The following SGPL1 variants were observed in gnomAD, a reference collection of about 807,000 sequenced individuals.
SGPL1 encodes the protein SP-lyase 1.
A neutral mutation model predicts 68.9 loss-of-function variants in SGPL1; 37 were observed. That is an observed-to-expected ratio of 0.54 (90% confidence interval 0.41 to 0.71). The LOEUF (loss-of-function observed/expected upper bound fraction) is 0.71. Among genes scored for constraint, SGPL1 ranks in the 30% least tolerant of loss-of-function variants. The probability of loss-of-function intolerance (pLI) is 0.00; values close to 1 mark genes in which losing one functional copy is unlikely to be tolerated. For synonymous variants in SGPL1, 236 were observed against 248.5 expected, an observed-to-expected ratio of 0.95 and a Z score of 0.47; for missense variants, 551 against 704.6, an observed-to-expected ratio of 0.78 and a Z score of 2.47.
rs367841464 is a variant in SGPL1, at chr10:70,862,598, C to G, written c.615+3099C>G. ...TTTGGGTCCACGCTGCTTTTATGAG[C>G]TGTGACACTCACCACGAAGGTCTGC... is the stretch of plus-strand genomic sequence containing the variant. On this transcript the variant is annotated intron_variant, in intron 7 of 14. Transcript: ENST00000373202. 4.6e-5 allele frequency among the ~76,000 whole-genome samples: 7 copies of G among 152,258 alleles called. No homozygotes were observed. The East Asian group carries it at 1.4e-3, about 29-fold the overall frequency.
chr10:70,861,952 C>T (rs1189718109), intron 7 of SGPL1, among the ~76,000 whole-genome samples: 1 of 152,242 alleles, frequency 6.6e-6, no homozygotes, highest in Non-Finnish European at 1.5e-5. Flanking sequence ...TGTGTGGCCC[C>T]AGCCTCCTTG....
chr10:70,872,405 G>C (rs80132766), intron 11 of SGPL1, among the ~76,000 whole-genome samples: 1,673 of 152,262 alleles, frequency 0.011, 17 homozygotes, highest in Middle Eastern at 0.041. Flanking sequence ...GCTCCTGAGC[G>C]TACATGACGG....
chr10:70,867,440 G>A lies in SGPL1; in HGVS notation c.616-905G>A, dbSNP rs375667793. On this transcript the variant is annotated intron_variant, in intron 7 of 14. Coordinates refer to ENST00000373202, the MANE Select transcript of SGPL1 (RefSeq NM_003901.4). ...TAGGTGGGCATGGTGGTGGGCGCCT[G>A]TAATCCGAGCTACTCGGGTAACTAT... Among the ~76,000 whole-genome samples, 24 of 152,208 alleles carry A rather than the reference G, an allele frequency of 1.6e-4. 2 individuals carry two copies. Among genetic ancestry groups the A allele is most frequent in the Admixed American group, 1.1e-3 (17 of 15,292 alleles).
At chr10:70,874,753 T>G (rs1193134754) in intron 12 of SGPL1, among the ~76,000 whole-genome samples, 1 of 151,890 alleles carries the variant, frequency 6.6e-6, no homozygotes, top group Non-Finnish European at 1.5e-5. Context: ...AAATAAAAAT[T>G]AGCCACATGT....
chr10:70,875,899 C>G (rs1212256886), intron 13 of SGPL1, among the ~76,000 whole-genome samples: 2 of 152,252 alleles, frequency 1.3e-5, no homozygotes, highest in East Asian at 3.9e-4. Context: ...CAAGATCTTC[C>G]TGGGGGTCTC....
chr10:70,843,408 A>G (rs1348372631), intron 2 of SGPL1, among the ~76,000 whole-genome samples: 1 of 152,238 alleles, frequency 6.6e-6, no homozygotes, highest in Non-Finnish European at 1.5e-5. Context: ...GATTAAGTGA[A>G]TGAATAGTAA....
rs1263299632 is a variant in SGPL1 at position 70,881,100 on chromosome 10, C to A, written c.*3765C>A. On this transcript the variant is annotated 3_prime_UTR_variant, in exon 15 of 15. Coordinates refer to ENST00000373202, the MANE Select transcript of SGPL1 (RefSeq NM_003901.4). ...TTTATGCTTTCCTCTGTCTTGTAATCTTTTCTCTTCTTAATATCCTTCCCT... is the reference window on the plus strand; with the variant it reads ...TTTATGCTTTCCTCTGTCTTGTAATATTTTCTCTTCTTAATATCCTTCCCT... 1 of 151,920 alleles carries A rather than the reference C, an allele frequency of 6.6e-6. No individual in the cohort carries two copies. The highest frequency in any genetic ancestry group is 2.4e-5 in the African/African-American group (1 of 41,324). 9.4% of individuals were successfully genotyped at this position (151,920 alleles called of 1,614,324 possible). A position where few individuals can be genotyped will look rare whatever the true frequency, so the allele number is the denominator to read the frequency against.
At chr10:70,849,422 G>A (rs1351508867) in intron 3 of SGPL1, among the ~76,000 whole-genome samples, 2 of 152,178 alleles carry the variant, frequency 1.3e-5, no homozygotes, top group African/African-American at 4.8e-5. Flanking sequence ...TCTCAGGTAT[G>A]TATTACAGTG....
At position 70,861,906 on chromosome 10, in the gene SGPL1, G is replaced by A. The variant is rs191352357; in HGVS notation, c.615+2407G>A. Among the ~76,000 whole-genome samples the A allele has an allele frequency of 2.6e-3, 389 of 152,348 alleles. 4 individuals carry two copies. Among genetic ancestry groups the A allele is most frequent in the East Asian group, 9.7e-4 (5 of 5,174 alleles). ...GGGCAGGGCTCGGGACCTGCAGCCC[G>A]CCATGCCTGAGCCTCCCACCCCCTC... On this transcript the variant is annotated intron_variant, in intron 7 of 14. Transcript: ENST00000373202.
chr10:70,848,705 G>A (rs147598515), intron 3 of SGPL1, among the ~76,000 whole-genome samples: 1,585 of 152,080 alleles, frequency 0.01, 12 homozygotes, highest in Middle Eastern at 0.031. Context: ...CTCCTGATCC[G>A]CCTGCCTTGG....
At chr10:70,875,653 C>A in intron 13 of SGPL1, 105 bp downstream of exon 13, 1 of 799,408 alleles carries the variant, frequency 1.3e-6, no homozygotes, top group Non-Finnish European at 2.0e-6. Context: ...GAGGCTAGCA[C>A]GTTAGTAGCA....
intron 2 of SGPL1, among the ~76,000 whole-genome samples, chr10:70,838,292 T>C (rs1457228324): frequency 6.6e-6 from 1 of 152,234 alleles, no homozygotes; most frequent in Non-Finnish European, 1.5e-5. Context: ...GGAAAAAATA[T>C]CACTGCCTAA....
At chr10:70,862,513 T>G (rs1846088921) in intron 7 of SGPL1, among the ~76,000 whole-genome samples, 1 of 152,116 alleles carries the variant, frequency 6.6e-6, no homozygotes, top group African/African-American at 2.4e-5. Context: ...CGGGTCCCCT[T>G]CCACACTGTG....
In SGPL1 at chr10:70,868,380, C is replaced by T. The variant is rs755473386; in HGVS notation, c.651C>T (p.Ala217=). Residue 217 remains alanine (A), a synonymous_variant, in exon 8 of 15, where the codon GCC becomes GCT. Transcript: ENST00000373202. ...TSGGTESILM[A]CKAYRDLAFE... Reference sequence around the variant, plus strand: ...GGGGAACAGAAAGCATACTGATGGCCTGCAAAGCATATCGGGATCTGGCCT... The same window carrying T: ...GGGGAACAGAAAGCATACTGATGGCTTGCAAAGCATATCGGGATCTGGCCT... 4 of 1,613,566 alleles carry T rather than the reference C, an allele frequency of 2.5e-6. No individual in the cohort carries two copies. Among genetic ancestry groups the T allele is most frequent in the Admixed American group, 1.7e-5 (1 of 59,976 alleles).
chr10:70,834,138 A>G (rs1845588704), intron 2 of SGPL1, among the ~76,000 whole-genome samples: 2 of 152,154 alleles, frequency 1.3e-5, no homozygotes, highest in South Asian at 4.1e-4. Flanking sequence ...CTTTTAATAA[A>G]AGAAAAGGAT....
rs1440434971 is a variant in SGPL1, at chr10:70,873,337, T to A, written c.1060-14T>A. 1 of 1,593,424 alleles carries A rather than the reference T, an allele frequency of 6.3e-7. No individual in the cohort carries two copies. The highest frequency in any genetic ancestry group is 1.3e-5 in the African/African-American group (1 of 74,576). On this transcript the variant is annotated splice_polypyrimidine_tract_variant and intron_variant, in intron 11 of 14. Transcript: ENST00000373202. ...CTATACTCTCACTTTTCTTGTCTGC[T>A]ACTTCTTCCACAGTATGGCTATGCC...
At chr10:70,861,335 T>C (rs538151480) in intron 7 of SGPL1, among the ~76,000 whole-genome samples, 14 of 152,090 alleles carry the variant, frequency 9.2e-5, no homozygotes, top group African/African-American at 2.9e-4. Flanking sequence ...CCAGAGAAAA[T>C]AGATTACCTA....
rs144384128 is a variant in SGPL1, at chr10:70,840,262, A to T, written c.28-4211A>T. ...ACTTAATCACAAGCATGTCTGTATGAGCGTAGTCATGTCATTTCACTTTGG... is the reference window on the plus strand; with the variant it reads ...ACTTAATCACAAGCATGTCTGTATGTGCGTAGTCATGTCATTTCACTTTGG... On this transcript the variant is annotated intron_variant, in intron 2 of 14. Coordinates refer to ENST00000373202, the MANE Select transcript of SGPL1 (RefSeq NM_003901.4). 1.3e-3 allele frequency among the ~76,000 whole-genome samples: 202 copies of T among 152,160 alleles called. 1 individual carries two copies. The highest frequency in any genetic ancestry group is 4.7e-3 in the African/African-American group (194 of 41,500).
At chr10:70,869,924 C>T in intron 9 of SGPL1, 27 bp downstream of exon 9, 1 of 1,576,118 alleles carries the variant, frequency 6.3e-7, no homozygotes, top group South Asian at 1.1e-5. Flanking sequence ...GGCCCACTGT[C>T]TGTGCTGGGC....
Sources: gnomAD v4.1 joint callset for allele counts (sites outside exome capture counted in the v4.1 genomes callset) on GRCh38, gnomAD v4.1.1 for gene constraint, MANE v1.5 for transcripts, NCBI Gene and HGNC (gene_info 2026-07-23, HGNC 2026-07-21) for gene names.